Variants in ADAMTS20 observed in about 807,000 individuals in gnomAD.
The protein encoded by ADAMTS20 is A disintegrin and metalloproteinase with thrombospondin motifs 20.
ADAMTS20 carries 225 observed loss-of-function variants against 260.1 expected under a neutral mutation model. The ratio of observed to expected loss-of-function variants is 0.87; its 90% CI spans 0.78 to 0.97. The LOEUF (loss-of-function observed/expected upper bound fraction) is 0.97. ADAMTS20 is among the 50% of genes least tolerant of loss of function. The probability of loss-of-function intolerance (pLI) is 0.00; values close to 1 mark genes in which losing one functional copy is unlikely to be tolerated. For missense variants in ADAMTS20, 2,400 were observed against 2,337.7 expected (o/e 1.03, Z -0.55); for synonymous variants, 802 against 769.5 (o/e 1.04, Z -0.70).
chr12:43,358,561 G>A (rs1006708821), intron 37 of ADAMTS20, among the ~76,000 whole-genome samples: 28 of 152,022 alleles, frequency 1.8e-4, no homozygotes, highest in Admixed American at 3.9e-4. Context: ...TAATTCGGAC[G>A]GGCGCGGTGG....
chr12:43,415,791 T>C (rs1259929717), intron 28 of ADAMTS20, among the ~76,000 whole-genome samples: 1 of 152,224 alleles, frequency 6.6e-6, no homozygotes, highest in Non-Finnish European at 1.5e-5. Context: ...AGGAATAATA[T>C]GTCTTCAAAC....
At chr12:43,355,121 A>T (rs1353103608) in intron 38 of ADAMTS20, among the ~76,000 whole-genome samples, 1 of 152,170 alleles carries the variant, frequency 6.6e-6, no homozygotes, top group Non-Finnish European at 1.5e-5. Context: ...GGTTCTTGGG[A>T]CATTTTGAGA....
At chr12:43,520,918 TA>T (rs909388161) in intron 3 of ADAMTS20, among the ~76,000 whole-genome samples, 1 of 152,130 alleles carries the variant, frequency 6.6e-6, no homozygotes, top group African/African-American at 2.4e-5. Context: ...TTTTCCACTT[TA>T]AAAAAAGAAT....
intron 11 of ADAMTS20, 63 bp downstream of exon 11, chr12:43,462,832 T>G: frequency 7.4e-7 from 1 of 1,345,872 alleles, no homozygotes; most frequent in Non-Finnish European, 1.0e-6. Context: ...AGTGCTAAAA[T>G]GCAGAGCAAT....
In ADAMTS20 at chr12:43,354,179, C is replaced by A; in HGVS notation, c.*30G>T. ...TTGAATATTCCAGAGAATATCCCCT[C>A]TTTAGGGCATACTTCCCCCTTCTAA... is the stretch of plus-strand genomic sequence containing the variant. On this transcript the variant is annotated 3_prime_UTR_variant, in exon 39 of 39. Coordinates refer to ENST00000389420, the MANE Select transcript of ADAMTS20 (RefSeq NM_025003.5). 1 of 1,474,492 alleles carries A rather than the reference C, an allele frequency of 6.8e-7. No individual in the cohort carries two copies. The highest frequency in any genetic ancestry group is 1.2e-5 in the South Asian group (1 of 81,886). The allele number at this position is 1,474,492 out of a possible 1,614,324, so 91.3% of individuals were successfully genotyped here.
chr12:43,455,613 A>C (rs1941949865), intron 11 of ADAMTS20, among the ~76,000 whole-genome samples: 1 of 152,182 alleles, frequency 6.6e-6, no homozygotes, highest in African/African-American at 2.4e-5. Context: ...AAATTTCAAT[A>C]TGAGTTTGGG....
intron 2 of ADAMTS20, among the ~76,000 whole-genome samples, chr12:43,548,078 C>T (rs529453329): frequency 1.3e-5 from 2 of 152,204 alleles, no homozygotes; most frequent in South Asian, 2.1e-4. Flanking sequence ...TATGAAACAA[C>T]ACTCATTAGC....
chr12:43,540,934 T>G (rs958945331), intron 2 of ADAMTS20, among the ~76,000 whole-genome samples: 2 of 152,180 alleles, frequency 1.3e-5, no homozygotes, highest in Non-Finnish European at 1.5e-5. Flanking sequence ...TAGAAGATTC[T>G]ATAAAATTGT....
intron 25 of ADAMTS20, 25 bp downstream of exon 25, chr12:43,428,610 C>CT: frequency 1.3e-6 from 2 of 1,492,320 alleles, no homozygotes; most frequent in Non-Finnish European, 1.8e-6. Context: ...TTTTCATTTT[C>CT]TTTTTTTCTC....
chr12:43,523,714 G>A (rs1943102590), intron 3 of ADAMTS20, among the ~76,000 whole-genome samples: 1 of 152,056 alleles, frequency 6.6e-6, no homozygotes, highest in South Asian at 2.1e-4. Context: ...AGGAAGCTAT[G>A]CTCTCCTCTA....
intron 3 of ADAMTS20, among the ~76,000 whole-genome samples, chr12:43,520,292 C>A (rs1943054105): frequency 6.6e-6 from 1 of 151,940 alleles, no homozygotes; most frequent in African/African-American, 2.4e-5. Context: ...GTTTTAACAT[C>A]ATGTATCATT....
At chr12:43,513,049 C>A (rs2137466003) in intron 3 of ADAMTS20, among the ~76,000 whole-genome samples, 1 of 152,218 alleles carries the variant, frequency 6.6e-6, no homozygotes, top group South Asian at 2.1e-4. Flanking sequence ...AGAACTGAGA[C>A]AAGATTTGGA....
chr12:43,472,185 G>T (rs865934206), intron 7 of ADAMTS20, among the ~76,000 whole-genome samples: 1 of 147,846 alleles, frequency 6.8e-6, no homozygotes, highest in Non-Finnish European at 1.5e-5. Context: ...ACTACGTGAA[G>T]AATGCAGAAG....
At chr12:43,522,870 C>A (rs536277247) in intron 3 of ADAMTS20, among the ~76,000 whole-genome samples, 30 of 152,246 alleles carry the variant, frequency 2.0e-4, no homozygotes, top group African/African-American at 7.0e-4. Context: ...GTTGGATGAC[C>A]TTGAGGCACA....
chr12:43,477,248 T>G (rs1054410502), intron 7 of ADAMTS20, among the ~76,000 whole-genome samples: 1 of 152,088 alleles, frequency 6.6e-6, no homozygotes, highest in African/African-American at 2.4e-5. Context: ...TAGTCCAGAA[T>G]GTCTAGCATT....
chr12:43,551,771 T>C lies in ADAMTS20; in HGVS notation c.91+60A>G, dbSNP rs1054191549. Reference sequence around the variant, plus strand: ...GAGCCGCTCGTCCCCGCGACCTGCATGTCCCACTCGGGCCCCGCGCCCCCA... The same window carrying C: ...GAGCCGCTCGTCCCCGCGACCTGCACGTCCCACTCGGGCCCCGCGCCCCCA... On this transcript the variant is annotated intron_variant, in intron 1 of 38. Transcript: ENST00000389420. This position sits in a 1 kb window ranked among gnomAD's most constrained non-coding sequence, Gnocchi z 4.6. 49 of 1,549,580 alleles carry C rather than the reference T, an allele frequency of 3.2e-5. No individual in the cohort carries two copies. The African/African-American group carries it at 5.8e-4, about 18-fold the overall frequency.
chr12:43,432,685 A>C lies in ADAMTS20; in HGVS notation c.2847T>G (p.Cys949Trp), dbSNP rs1168590134. The stretch of plus-strand genomic sequence containing the variant: ...GGGTAGGAGGTTTAAGCTGGTCACC[A>C]CAGTAGTGGTCATCAACTTGAACAG... ...GQTVQVDDHY[C>W]GDQLKPPTQE... The change falls in exon 20 of 39, where the codon TGT becomes TGG. Residue 949 changes from cysteine (C) to tryptophan (W), a missense_variant. Transcript: ENST00000389420. 9.9e-6 allele frequency: 16 copies of C among 1,613,992 alleles called. No individual in the cohort carries two copies. Among genetic ancestry groups the C allele is most frequent in the Non-Finnish European group, 1.4e-5 (16 of 1,179,866 alleles).
At chr12:43,392,978 T>C (rs1018928000) in intron 29 of ADAMTS20, among the ~76,000 whole-genome samples, 6 of 152,142 alleles carry the variant, frequency 3.9e-5, no homozygotes, top group Non-Finnish European at 8.8e-5. Flanking sequence ...TTCTGAGTTC[T>C]GCATTTACAT....
At chr12:43,489,618 A>T (rs1277965625) in intron 7 of ADAMTS20, among the ~76,000 whole-genome samples, 1 of 151,976 alleles carries the variant, frequency 6.6e-6, no homozygotes, top group Non-Finnish European at 1.5e-5. Context: ...AATCAAAAGG[A>T]ATGTTTATTG....
Sources: allele counts gnomAD v4.1 joint callset (sites outside exome capture counted in the v4.1 genomes callset), GRCh38; gene constraint gnomAD v4.1.1; non-coding constraint Gnocchi (gnomAD v3.1); transcripts MANE v1.5; gene names NCBI Gene and HGNC (gene_info 2026-07-23, HGNC 2026-07-21).